XIAP: variants seen among roughly 807,000 people sequenced by gnomAD.
The protein encoded by XIAP is E3 ubiquitin-protein ligase XIAP.
XIAP carries 3 observed loss-of-function variants against 33.1 expected under a neutral mutation model. The ratio of observed to expected loss-of-function variants is 0.09; its 90% CI spans 0.04 to 0.23. The LOEUF (loss-of-function observed/expected upper bound fraction) is 0.23, where lower values mean the gene tolerates loss of function less well. Among genes scored for constraint, XIAP ranks in the 10% least tolerant of loss-of-function variants. The probability of loss-of-function intolerance (pLI) is 1.00; values close to 1 mark genes in which losing one functional copy is unlikely to be tolerated. For synonymous variants in XIAP, 98 were observed against 121.3 expected (o/e 0.81, Z 1.26); for missense variants, 264 against 363.0 (o/e 0.73, Z 2.22).
At position 123,913,629 on chromosome X, in the gene XIAP, A is replaced by G. The variant is rs1258711979; in HGVS notation, c.*6448A>G. The G allele has an allele frequency of 1.5e-5, 5 of 324,932 alleles. No homozygotes were observed. The highest frequency in any genetic ancestry group is 1.3e-4 in the Admixed American group (4 of 31,537). 26.8% of individuals were successfully genotyped at this position (324,932 alleles called of 1,213,427 possible). A position where few individuals can be genotyped will look rare whatever the true frequency, so the allele number is the denominator to read the frequency against. On this transcript the variant is annotated 3_prime_UTR_variant, in exon 7 of 7. Coordinates refer to ENST00000371199, the MANE Select transcript of XIAP (RefSeq NM_001167.4). The stretch of plus-strand genomic sequence containing the variant: ...AATGTAATATTTTAAATTACTATAT[A>G]TGTTACCATTTTTCTGGATTTAGTA...
chrX:123,894,952 A>ATAAATAAG (rs2053445879), intron 5 of XIAP, among the ~76,000 whole-genome samples: 1 of 65,981 alleles, frequency 1.5e-5, no homozygotes, highest in African/African-American at 8.5e-5. Context: ...TCAAACATAA[A>ATAAATAAG]TAAGTAAATA....
intron 4 of XIAP, among the ~76,000 whole-genome samples, chrX:123,892,190 A>G (rs2053414601): frequency 9.1e-6 from 1 of 110,460 alleles, no homozygotes; most frequent in Non-Finnish European, 1.9e-5. Context: ...ACATGATGAA[A>G]CCCCGTCTCT....
At chrX:123,870,729 AG>A (rs900064299) in intron 1 of XIAP, among the ~76,000 whole-genome samples, 1 of 111,391 alleles carries the variant, frequency 9.0e-6, no homozygotes, top group Non-Finnish European at 1.9e-5. Context: ...CAGGGGTTGC[AG>A]TGAGCCAAGA....
chrX:123,884,415 C>T (rs1234111557), intron 1 of XIAP, among the ~76,000 whole-genome samples: 10 of 107,839 alleles, frequency 9.3e-5, no homozygotes, highest in African/African-American at 3.4e-4. Flanking sequence ...ACCTGGGAGG[C>T]GGAGGTCGCA....
At chrX:123,882,045 G>A (rs2053309226) in intron 1 of XIAP, among the ~76,000 whole-genome samples, 1 of 112,054 alleles carries the variant, frequency 8.9e-6, no homozygotes, top group Non-Finnish European at 1.9e-5. Flanking sequence ...GTGAGCCACT[G>A]TGCCTGGCCA....
chrX:123,886,079 T>C lies in XIAP; in HGVS notation c.417T>C (p.Tyr139=), dbSNP rs1189048052. ...LDRPSETHAD[Y]LLRTGQVVDI... is the part of the protein sequence containing the mutation. ...GGCCATCTGAGACACATGCAGACTA[T>C]CTTTTGAGAACTGGGCAGGTTGTAG... Residue 139 remains tyrosine, a synonymous_variant, in exon 2 of 7, where the codon TAT becomes TAC. Transcript: ENST00000371199. 3 of 1,211,740 alleles carry C rather than the reference T, an allele frequency of 2.5e-6. No homozygotes were observed. Among genetic ancestry groups the C allele is most frequent in the South Asian group, 3.5e-5 (2 of 57,006 alleles).
intron 6 of XIAP, among the ~76,000 whole-genome samples, chrX:123,903,420 T>A (rs1274960699): frequency 1.8e-5 from 2 of 108,699 alleles, no homozygotes; most frequent in African/African-American, 6.7e-5. Context: ...ACTTCCAACC[T>A]CAGGTGATCT....
At chrX:123,897,122 G>T (rs968302467) in intron 5 of XIAP, among the ~76,000 whole-genome samples, 10 of 108,384 alleles carry the variant, frequency 9.2e-5, no homozygotes, top group Non-Finnish European at 1.9e-4. Context: ...GTAGAGACGG[G>T]GTTTCTCCAT....
At chrX:123,865,710 C>T (rs987440612) in intron 1 of XIAP, among the ~76,000 whole-genome samples, 3 of 110,591 alleles carry the variant, frequency 2.7e-5, no homozygotes, top group African/African-American at 9.8e-5. Flanking sequence ...AGCTACAGAG[C>T]GAGACTCCGA....
chrX:123,871,700 T>G (rs1369874527), intron 1 of XIAP, among the ~76,000 whole-genome samples: 2 of 110,281 alleles, frequency 1.8e-5, no homozygotes, highest in Non-Finnish European at 3.8e-5. Context: ...TCTACCTATG[T>G]TTCCCAAGTG....
chrX:123,897,126 T>G (rs2053468464), intron 5 of XIAP, among the ~76,000 whole-genome samples: 1 of 108,182 alleles, frequency 9.2e-6, no homozygotes, highest in South Asian at 4.0e-4. Flanking sequence ...AGACGGGGTT[T>G]CTCCATGTTG....
Position 123,861,586 on chromosome X carries a change from GACTTTTT to G in XIAP, c.-33+1299_-33+1305del, listed in dbSNP as rs745711817. 2.9e-4 allele frequency among the ~76,000 whole-genome samples: 32 copies of G among 111,702 alleles called. 1 individual carries two copies. Among genetic ancestry groups the G allele is most frequent in the South Asian group, 1.1e-3 (3 of 2,724 alleles). On this transcript the variant is annotated intron_variant, in intron 1 of 6. Transcript: ENST00000371199. ...CTTATGGAGGAGAAGAGAGATAGAA[GACTTTTT>G]ACTTTGTACTTCACATGATCTAATG...
intron 3 of XIAP, among the ~76,000 whole-genome samples, chrX:123,889,455 C>G (rs2053384449): frequency 9.1e-6 from 1 of 109,711 alleles, no homozygotes; most frequent in African/African-American, 3.3e-5. Context: ...ATCGGCCCGC[C>G]TCGGCCTCCC....
At chrX:123,894,715 C>T (rs1454553543) in intron 5 of XIAP, among the ~76,000 whole-genome samples, 2 of 109,870 alleles carry the variant, frequency 1.8e-5, no homozygotes, top group African/African-American at 3.3e-5. Context: ...TTGCAGTGAG[C>T]CAAGACCACG....
chrX:123,903,993 A>T (rs2053538256), intron 6 of XIAP, among the ~76,000 whole-genome samples: 1 of 109,574 alleles, frequency 9.1e-6, no homozygotes, highest in African/African-American at 3.3e-5. Flanking sequence ...TCATTAAACA[A>T]CTCCCCATTC....
At chrX:123,899,187 TTA>T (rs1386636530) in intron 5 of XIAP, among the ~76,000 whole-genome samples, 1 of 38,045 alleles carries the variant, frequency 2.6e-5, no homozygotes, top group African/African-American at 1.3e-4. Context: ...ATATATGATT[TTA>T]TATATATATG....
intron 2 of XIAP, among the ~76,000 whole-genome samples, chrX:123,888,208 G>C (rs923109684): frequency 9.1e-6 from 1 of 110,273 alleles, no homozygotes; most frequent in African/African-American, 3.3e-5. Flanking sequence ...GGTGGCGCAT[G>C]CCTGTAATCC....
In XIAP at chrX:123,913,010, A is replaced by G; in HGVS notation, c.*5829A>G. The G allele has an allele frequency of 3.5e-6, 1 of 286,030 alleles. No homozygotes were observed. The highest frequency in any genetic ancestry group is 6.8e-6 in the Non-Finnish European group (1 of 147,071). 23.6% of individuals were successfully genotyped at this position (286,030 alleles called of 1,213,427 possible). On this transcript the variant is annotated 3_prime_UTR_variant, in exon 7 of 7. Coordinates refer to ENST00000371199, the MANE Select transcript of XIAP (RefSeq NM_001167.4). The stretch of plus-strand genomic sequence containing the variant: ...TGACCAGGCTGGTCTCGAACTCCTG[A>G]TCTCAGGTGATCTGCCTGCCTCGGC...
chrX:123,909,960 T>G lies in XIAP; in HGVS notation c.*2779T>G, dbSNP rs1318934553. On this transcript the variant is annotated 3_prime_UTR_variant, in exon 7 of 7. Coordinates refer to ENST00000371199, the MANE Select transcript of XIAP (RefSeq NM_001167.4). ...TCAAAACTATAGCCATATCCAAATC[T>G]TTTCCCCCTCCCAAGAGTTCTCAGT... The G allele has an allele frequency of 3.0e-6, 1 of 328,027 alleles. No homozygotes were observed. The highest frequency in any genetic ancestry group is 5.9e-6 in the Non-Finnish European group (1 of 169,746). 27.0% of individuals were successfully genotyped at this position (328,027 alleles called of 1,213,427 possible). A position where few individuals can be genotyped will look rare whatever the true frequency, so the allele number is the denominator to read the frequency against.
Sources: allele counts gnomAD v4.1 joint callset (sites outside exome capture counted in the v4.1 genomes callset), GRCh38; gene constraint gnomAD v4.1.1; transcripts MANE v1.5; gene names NCBI Gene and HGNC (gene_info 2026-07-23, HGNC 2026-07-21).